TBC1D1: variants seen among roughly 807,000 people sequenced by gnomAD.
The protein encoded by TBC1D1 is TBC1 (tre-2/USP6, BUB2, cdc16) domain family, member 1.
In TBC1D1, 89 loss-of-function variants were observed where a neutral mutation model predicts 125.6. That is an observed-to-expected ratio of 0.71 (90% CI 0.60 to 0.85). The LOEUF (loss-of-function observed/expected upper bound fraction) is 0.85. Among genes scored for constraint, TBC1D1 ranks in the 40% least tolerant of loss-of-function variants. The probability of loss-of-function intolerance (pLI) is 0.00; values close to 1 mark genes in which losing one functional copy is unlikely to be tolerated. For synonymous variants in TBC1D1, 565 were observed against 564.1 expected (o/e 1.00, Z -0.02); for missense variants, 1,377 against 1,469.2 (o/e 0.94, Z 1.03).
At chr4:38,026,898 G>GT (rs35937294) in intron 6 of TBC1D1, among the ~76,000 whole-genome samples, 7,450 of 152,258 alleles carry the variant, frequency 0.049, 258 homozygotes, top group East Asian at 0.12. Flanking sequence ...TAAGCATGTG[G>GT]TGGTATAAGA....
At chr4:38,131,157 A>G (rs541645263) in intron 18 of TBC1D1, among the ~76,000 whole-genome samples, 3 of 152,344 alleles carry the variant, frequency 2.0e-5, no homozygotes, top group Non-Finnish European at 2.9e-5. Context: ...CTAGGGATTA[A>G]TGGAGGCCTG....
intron 1 of TBC1D1, among the ~76,000 whole-genome samples, chr4:37,894,806 C>G (rs1714184414): frequency 6.6e-6 from 1 of 152,154 alleles, no homozygotes; most frequent in South Asian, 2.1e-4. Flanking sequence ...AGCTAATCCA[C>G]TAGAAAGATA....
Position 38,044,406 on chromosome 4 carries a change from C to T in TBC1D1, c.1458C>T (p.Pro486=), listed in dbSNP as rs866252206. The T allele has an allele frequency of 4.3e-6, 7 of 1,613,118 alleles. No individual in the cohort carries two copies. Among genetic ancestry groups the T allele is most frequent in the African/African-American group, 1.3e-5 (1 of 74,900 alleles). Reference sequence around the variant, plus strand: ...AGAATATTGGAAGTGAATTACCACCCAGTGCCACTCGATTTAGGCTAGATA... The same window carrying T: ...AGAATATTGGAAGTGAATTACCACCTAGTGCCACTCGATTTAGGCTAGATA... Residue 486 remains proline, a synonymous_variant, in exon 9 of 20, where the codon CCC becomes CCT. Transcript: ENST00000261439.
At chr4:38,135,268 G>A (rs1353417880) in intron 19 of TBC1D1, among the ~76,000 whole-genome samples, 1 of 152,146 alleles carries the variant, frequency 6.6e-6, no homozygotes, top group Non-Finnish European at 1.5e-5. Flanking sequence ...TTAAATACAT[G>A]TGAACGTTGT....
At chr4:37,979,970 G>T (rs1734022583) in intron 2 of TBC1D1, among the ~76,000 whole-genome samples, 3 of 152,094 alleles carry the variant, frequency 2.0e-5, no homozygotes, top group Admixed American at 2.0e-4. Flanking sequence ...ATAGAGACAG[G>T]GTTTCTCCAT....
In TBC1D1 at chr4:38,137,262, A is replaced by G; in HGVS notation, c.3434A>G (p.Glu1145Gly). 1 of 1,611,936 alleles carries G rather than the reference A, an allele frequency of 6.2e-7. No individual in the cohort carries two copies. The highest frequency in any genetic ancestry group is 2.2e-4 in the Middle Eastern group (1 of 4,510). ...TCGGCCCTGCTGCAGACGGTGGAGGAGCTGCGGCGGCGGAGCGCAGAGCCC... is the reference window on the plus strand; with the variant it reads ...TCGGCCCTGCTGCAGACGGTGGAGGGGCTGCGGCGGCGGAGCGCAGAGCCC... The change falls in exon 20 of 20, where the codon GAG becomes GGG. Residue 1145 changes from glutamate to glycine, a missense_variant. Physicochemically the swap from Glu to Gly is moderately conservative, Grantham distance 98. Coordinates refer to ENST00000261439, the MANE Select transcript of TBC1D1 (RefSeq NM_015173.4).
At chr4:38,112,156 G>A in intron 15 of TBC1D1, 1 of 747,234 alleles carries the variant, frequency 1.3e-6, no homozygotes, top group Non-Finnish European at 1.6e-6. Context: ...CTGAATCTAG[G>A]TGGTGGTGGT....
intron 7 of TBC1D1, 47 bp downstream of exon 7, chr4:38,027,926 C>A: frequency 7.1e-7 from 1 of 1,402,128 alleles, no homozygotes; most frequent in Non-Finnish European, 9.9e-7. Context: ...AGGCAGGCAG[C>A]TTACCTGGGA....
At chr4:38,080,276 A>G (rs983420895) in intron 12 of TBC1D1, among the ~76,000 whole-genome samples, 1 of 146,038 alleles carries the variant, frequency 6.8e-6, no homozygotes, top group Non-Finnish European at 1.5e-5. Flanking sequence ...TAAACGACCA[A>G]TGTTGGGTGG....
At chr4:38,032,040 C>G (rs993096260) in intron 7 of TBC1D1, among the ~76,000 whole-genome samples, 3 of 152,192 alleles carry the variant, frequency 2.0e-5, no homozygotes, top group East Asian at 1.9e-4. Flanking sequence ...CATTTCTGGC[C>G]AGGCGCGGTG....
chr4:38,033,920 T>C (rs1171373730), intron 7 of TBC1D1, among the ~76,000 whole-genome samples: 1 of 152,270 alleles, frequency 6.6e-6, no homozygotes, highest in Admixed American at 6.5e-5. Context: ...GCACTACAGT[T>C]TCTTTACCCA....
chr4:38,001,750 T>A (rs1377328075), intron 2 of TBC1D1, among the ~76,000 whole-genome samples: 1 of 152,224 alleles, frequency 6.6e-6, no homozygotes. Flanking sequence ...TCTTATTATA[T>A]CGCGATATCA....
intron 6 of TBC1D1, among the ~76,000 whole-genome samples, chr4:38,024,428 G>A (rs1406080944): frequency 1.3e-5 from 2 of 152,178 alleles, no homozygotes; most frequent in Non-Finnish European, 2.9e-5. Flanking sequence ...CTTTGGTCTG[G>A]CTTAGTTTTG....
chr4:38,061,611 A>C (rs1752786300), intron 12 of TBC1D1, among the ~76,000 whole-genome samples: 1 of 152,248 alleles, frequency 6.6e-6, no homozygotes, highest in African/African-American at 2.4e-5. Flanking sequence ...ATTGATTTGA[A>C]ACCCATTGTA....
intron 17 of TBC1D1, chr4:38,118,624 TC>T: frequency 6.4e-6 from 1 of 157,000 alleles, no homozygotes; most frequent in Non-Finnish European, 1.4e-5. Context: ...CCCTTTCTCT[TC>T]TTGCCCTGCC....
At chr4:38,046,681 C>T (rs994103452) in intron 10 of TBC1D1, among the ~76,000 whole-genome samples, 1 of 152,272 alleles carries the variant, frequency 6.6e-6, no homozygotes, top group South Asian at 2.1e-4. Context: ...AAACTTTATC[C>T]TGTAGCTGGC....
intron 6 of TBC1D1, among the ~76,000 whole-genome samples, chr4:38,022,257 G>A (rs540726218): frequency 6.6e-6 from 1 of 152,138 alleles, no homozygotes; most frequent in Admixed American, 6.5e-5. Flanking sequence ...GGGAGAAACT[G>A]TAATAAATGT....
In TBC1D1 at chr4:38,058,054, C is replaced by G. The variant is rs369180418; in HGVS notation, c.2050+3716C>G. On this transcript the variant is annotated intron_variant, in intron 12 of 19. Coordinates refer to ENST00000261439, the MANE Select transcript of TBC1D1 (RefSeq NM_015173.4). ...GCATGTCTCCCTGTTGGCCAGACAC[C>G]AACACTGAATGGAAAACATGTTTCT... is the stretch of plus-strand genomic sequence containing the variant. Among the ~76,000 whole-genome samples the G allele has an allele frequency of 2.1e-3, 325 of 152,334 alleles. 3 individuals carry two copies. The highest frequency in any genetic ancestry group is 7.5e-3 in the African/African-American group (312 of 41,564).
At chr4:37,987,631 T>G (rs1236820696) in intron 2 of TBC1D1, among the ~76,000 whole-genome samples, 1 of 152,168 alleles carries the variant, frequency 6.6e-6, no homozygotes, top group African/African-American at 2.4e-5. Context: ...ATCCCTGAAT[T>G]TTGTGATGTT....
Sources: allele counts gnomAD v4.1 joint callset (sites outside exome capture counted in the v4.1 genomes callset), GRCh38; gene constraint gnomAD v4.1.1; transcripts MANE v1.5; gene names NCBI Gene and HGNC (gene_info 2026-07-23, HGNC 2026-07-21).